The following ANKS1B variants were observed in gnomAD, a reference collection of about 807,000 sequenced individuals.
ANKS1B encodes the protein ankyrin repeat and sterile alpha motif domain-containing protein 1B.
A neutral mutation model predicts 148.3 loss-of-function variants in ANKS1B; 36 were observed. That is an observed-to-expected ratio of 0.24 (90% CI 0.19 to 0.32). The LOEUF (loss-of-function observed/expected upper bound fraction) is 0.32, where lower values mean the gene tolerates loss of function less well. Among genes scored for constraint, ANKS1B ranks in the 10% least tolerant of loss-of-function variants. The pLI is 1.00. For missense variants in ANKS1B, 1,157 were observed against 1,542.6 expected, an observed-to-expected ratio of 0.75 and a Z score of 4.19; for synonymous variants, 542 against 560.8, an observed-to-expected ratio of 0.97 and a Z score of 0.47.
chr12:99,794,460 T>TACACACACACACACACACACACACACAC (rs148663206), intron 4 of ANKS1B, among the ~76,000 whole-genome samples: 4 of 143,562 alleles, frequency 2.8e-5, no homozygotes, highest in East Asian at 2.1e-4. Context: ...GAAAATGTGG[T>TACACACACACACACACACACACACACAC]ACACACACAC....
At chr12:99,839,794 A>G (rs2085417431) in intron 1 of ANKS1B, among the ~76,000 whole-genome samples, 1 of 152,154 alleles carries the variant, frequency 6.6e-6, no homozygotes. Context: ...TGAAGCAGGG[A>G]TTCAAACCAC....
At chr12:99,759,729 C>T (rs962330490) in intron 8 of ANKS1B, among the ~76,000 whole-genome samples, 1 of 151,874 alleles carries the variant, frequency 6.6e-6, no homozygotes, top group Non-Finnish European at 1.5e-5. Context: ...ATTAGGTACA[C>T]TATGACAAAT....
At chr12:99,633,621 C>T (rs2098197554) in intron 9 of ANKS1B, among the ~76,000 whole-genome samples, 1 of 152,076 alleles carries the variant, frequency 6.6e-6, no homozygotes, top group African/African-American at 2.4e-5. Context: ...GCAATAAAAG[C>T]CAAAATTGAC....
At chr12:98,787,209 A>G (rs547388085) in intron 22 of ANKS1B, among the ~76,000 whole-genome samples, 1 of 152,346 alleles carries the variant, frequency 6.6e-6, no homozygotes, top group African/African-American at 2.4e-5. Flanking sequence ...GGATTACAAG[A>G]GATAAAAAGC....
chr12:99,047,098 A>T (rs1339499402), intron 17 of ANKS1B, among the ~76,000 whole-genome samples: 3 of 152,136 alleles, frequency 2.0e-5, no homozygotes, highest in Non-Finnish European at 4.4e-5. Flanking sequence ...AAATAAGGTG[A>T]GTAATAGAAA....
intron 1 of ANKS1B, among the ~76,000 whole-genome samples, chr12:99,857,333 G>A (rs1457716193): frequency 1.3e-5 from 2 of 152,056 alleles, no homozygotes; most frequent in African/African-American, 2.4e-5. Flanking sequence ...TCTAACCAAG[G>A]AGGTGAAAGA....
chr12:98,796,253 T>G (rs2098948287), intron 22 of ANKS1B, among the ~76,000 whole-genome samples: 2 of 152,180 alleles, frequency 1.3e-5, no homozygotes, highest in Non-Finnish European at 2.9e-5. Flanking sequence ...ACATTTTCAT[T>G]TTGGCTAAAA....
At position 98,859,459 on chromosome 12, in the gene ANKS1B, G is replaced by C. The variant is rs557340328; in HGVS notation, c.2779-27323C>G. On this transcript the variant is annotated intron_variant, in intron 17 of 26. Coordinates refer to ENST00000683438, the MANE Select transcript of ANKS1B (RefSeq NM_001352186.2). ...TGCGGGGAGATTAAAGGAAACCTAA[G>C]AGCCACAAATAAGCCATTATGAACA... 3.3e-5 allele frequency among the ~76,000 whole-genome samples: 5 copies of C among 152,264 alleles called. No homozygotes were observed. In the South Asian group the frequency reaches 1.0e-3, roughly 32 times the overall value.
At chr12:99,266,326 C>A (rs2076435835) in intron 12 of ANKS1B, among the ~76,000 whole-genome samples, 1 of 152,142 alleles carries the variant, frequency 6.6e-6, no homozygotes, top group Admixed American at 6.5e-5. Flanking sequence ...CTCTGATATG[C>A]AGAAAATGAT....
At chr12:99,344,889 T>C (rs953053094) in intron 12 of ANKS1B, 6 of 152,064 alleles carry the variant, frequency 3.9e-5, no homozygotes, top group African/African-American at 1.4e-4. Flanking sequence ...ATCCTTATAA[T>C]TACCTCTTAA....
intron 4 of ANKS1B, among the ~76,000 whole-genome samples, chr12:99,797,162 G>A (rs1174456845): frequency 1.3e-5 from 2 of 151,858 alleles, no homozygotes; most frequent in East Asian, 1.9e-4. Context: ...GATTAATTTT[G>A]TAATAATTTC....
intron 17 of ANKS1B, among the ~76,000 whole-genome samples, chr12:98,854,331 T>C (rs1214397614): frequency 2.6e-5 from 4 of 152,194 alleles, no homozygotes; most frequent in African/African-American, 9.7e-5. Flanking sequence ...TTTTGGGGCA[T>C]GGGAAGTTTT....
At chr12:99,169,298 T>C (rs2077509115) in intron 14 of ANKS1B, among the ~76,000 whole-genome samples, 1 of 152,212 alleles carries the variant, frequency 6.6e-6, no homozygotes, top group Non-Finnish European at 1.5e-5. Flanking sequence ...CTACCTGATT[T>C]AATAGGTGTT....
chr12:99,009,400 A>G (rs2099937998), intron 17 of ANKS1B, among the ~76,000 whole-genome samples: 1 of 152,228 alleles, frequency 6.6e-6, no homozygotes, highest in Non-Finnish European at 1.5e-5. Context: ...TAGTTCAAAG[A>G]AGAGGGCCAT....
At chr12:99,676,464 T>C (rs944296127) in intron 8 of ANKS1B, among the ~76,000 whole-genome samples, 5 of 152,322 alleles carry the variant, frequency 3.3e-5, no homozygotes, top group South Asian at 2.1e-4. Flanking sequence ...TAGAATCCCA[T>C]AATACTAAGT....
At chr12:99,238,047 TGGACAGTG>T (rs780768544) in intron 14 of ANKS1B, among the ~76,000 whole-genome samples, 46 of 152,310 alleles carry the variant, frequency 3.0e-4, no homozygotes, top group Admixed American at 1.6e-3. Flanking sequence ...TGAGACTGGT[TGGACAGTG>T]GGTGCAGCCC....
intron 15 of ANKS1B, among the ~76,000 whole-genome samples, chr12:99,128,531 C>G (rs1464892936): frequency 6.6e-6 from 1 of 152,154 alleles, no homozygotes; most frequent in Non-Finnish European, 1.5e-5. Flanking sequence ...AGCCCTTAGC[C>G]ACACTGATGG....
At chr12:99,021,956 T>C (rs1326935009) in intron 17 of ANKS1B, among the ~76,000 whole-genome samples, 3 of 152,208 alleles carry the variant, frequency 2.0e-5, no homozygotes, top group African/African-American at 7.2e-5. Context: ...AGTTTTCTCT[T>C]CTGTGAACTG....
At chr12:99,566,827 T>C (rs11109923) in intron 9 of ANKS1B, among the ~76,000 whole-genome samples, 5,432 of 152,270 alleles carry the variant, frequency 0.036, 262 homozygotes, top group African/African-American at 0.11. Flanking sequence ...CTGTCTGTGG[T>C]ATTCTGTTAC....
Sources: allele counts gnomAD v4.1 joint callset (sites outside exome capture counted in the v4.1 genomes callset), GRCh38; gene constraint gnomAD v4.1.1; transcripts MANE v1.5; gene names NCBI Gene and HGNC (gene_info 2026-07-23, HGNC 2026-07-21).